The following CDK18 variants were observed in gnomAD, a reference collection of about 807,000 sequenced individuals.
CDK18 encodes cyclin dependent kinase 18, also known as cyclin-dependent kinase 18.
CDK18 carries 52 observed loss-of-function variants against 62.0 expected under a neutral mutation model. That is an observed-to-expected ratio of 0.84 (90% confidence interval 0.67 to 1.06). The LOEUF is 1.06. CDK18 is among the 50% of genes least tolerant of loss of function. The pLI is 0.00. For synonymous variants in CDK18, 237 were observed against 247.0 expected, an observed-to-expected ratio of 0.96 and a Z score of 0.38; for missense variants, 604 against 619.9, an observed-to-expected ratio of 0.97 and a Z score of 0.27.
chr1:205,520,688 C>T (rs764180437), intron 1 of CDK18, among the ~76,000 whole-genome samples: 3 of 133,786 alleles, frequency 2.2e-5, no homozygotes, highest in Non-Finnish European at 3.1e-5. Context: ...TGATAGAGCA[C>T]GACTCTATCT....
rs768034309 is a variant in CDK18, at chr1:205,529,577, C to T, written c.1221+14C>T. 2.5e-6 allele frequency: 4 copies of T among 1,613,566 alleles called. No individual in the cohort carries two copies. Among genetic ancestry groups the T allele is most frequent in the Non-Finnish European group, 3.4e-6 (4 of 1,179,940 alleles). ...AGCCTGCTCCTGGTGAGTGTCCTCC[C>T]GGCGGGGCCCAGGGAGAGGCAGCCA... On this transcript the variant is annotated intron_variant, in intron 13 of 15. Coordinates refer to ENST00000429964, the MANE Select transcript of CDK18 (RefSeq NM_212502.3).
At chr1:205,510,092 A>G (rs1025243087) in intron 1 of CDK18, among the ~76,000 whole-genome samples, 2 of 152,044 alleles carry the variant, frequency 1.3e-5, no homozygotes, top group African/African-American at 4.8e-5. Context: ...AAAAAAAAAA[A>G]AAATTTCTAC....
chr1:205,514,034 C>T (rs79983745), intron 1 of CDK18, among the ~76,000 whole-genome samples: 14,934 of 152,310 alleles, frequency 0.098, 1,224 homozygotes, highest in Admixed American at 0.27. Context: ...CACTTTGTCT[C>T]AGGCTTTGGG....
chr1:205,529,931 G>C, intron 13 of CDK18: 1 of 1,384,768 alleles, frequency 7.2e-7, no homozygotes, highest in East Asian at 2.8e-5. Context: ...CACGATGAAG[G>C]GTTGTTATCG....
Position 205,513,796 on chromosome 1 carries a change from C to T in CDK18, c.-22+9000C>T, listed in dbSNP as rs112604436. 3.4e-3 allele frequency among the ~76,000 whole-genome samples: 523 copies of T among 152,308 alleles called. 3 individuals carry two copies. Among genetic ancestry groups the T allele is most frequent in the Non-Finnish European group, 4.1e-3 (281 of 68,020 alleles). ...CATGTTGCAGGAGGAACTTCTCATT[C>T]GGGTTCTTCTCATTCCAGTCCACCC... On this transcript the variant is annotated intron_variant, in intron 1 of 15. Coordinates refer to ENST00000429964, the MANE Select transcript of CDK18 (RefSeq NM_212502.3).
At chr1:205,524,173 A>G (rs1364710197) in intron 3 of CDK18, 59 bp from the exon 4 acceptor site, 4 of 1,608,118 alleles carry the variant, frequency 2.5e-6, no homozygotes, top group Non-Finnish European at 2.6e-6. Context: ...CTGGAGCCCC[A>G]CAGCCCTAGC....
At chr1:205,526,568 C>A in intron 7 of CDK18, 107 bp downstream of exon 7, 4 of 988,974 alleles carry the variant, frequency 4.0e-6, no homozygotes, top group Admixed American at 1.7e-5. Flanking sequence ...TGAGGGCGAC[C>A]CAGGCCTTGT....
chr1:205,526,681 C>T, intron 7 of CDK18, 94 bp from the exon 8 acceptor site: 1 of 1,283,268 alleles, frequency 7.8e-7, no homozygotes, highest in Non-Finnish European at 1.1e-6. Flanking sequence ...GGCGTGGGCC[C>T]TTCCCAGGGA....
chr1:205,528,222 C>T lies in CDK18; in HGVS notation c.974+54C>T. On this transcript the variant is annotated intron_variant, in intron 10 of 15. Coordinates refer to ENST00000429964, the MANE Select transcript of CDK18 (RefSeq NM_212502.3). The surrounding 1 kb of genome is among the most constrained non-coding windows in gnomAD (Gnocchi z 4.2). Reference sequence around the variant, plus strand: ...GGGAGGACAGGCCTGGCCACACCTCCAGACTCTCCTTTGCTTCCCCAAGGG... The same window carrying T: ...GGGAGGACAGGCCTGGCCACACCTCTAGACTCTCCTTTGCTTCCCCAAGGG... 1.3e-6 allele frequency: 2 copies of T among 1,590,040 alleles called. No individual in the cohort carries two copies. The highest frequency in any genetic ancestry group is 2.3e-5 in the East Asian group (1 of 44,406).
chr1:205,525,105 C>T, intron 4 of CDK18, 34 bp from the exon 5 acceptor site: 1 of 1,556,018 alleles, frequency 6.4e-7, no homozygotes, highest in Non-Finnish European at 8.8e-7. Context: ...CTAAGGGCTT[C>T]AAGCTCACGG....
Position 205,531,548 on chromosome 1 carries a change from C to T in CDK18, c.*170C>T, listed in dbSNP as rs931030299. The T allele has an allele frequency of 3.7e-5, 24 of 648,394 alleles. No individual in the cohort carries two copies. The highest frequency in any genetic ancestry group is 3.6e-4 in the East Asian group (13 of 35,768). 40.2% of individuals were successfully genotyped at this position (648,394 alleles called of 1,614,324 possible). A position where few individuals can be genotyped will look rare whatever the true frequency, so the allele number is the denominator to read the frequency against. On this transcript the variant is annotated 3_prime_UTR_variant, in exon 16 of 16. Coordinates refer to ENST00000429964, the MANE Select transcript of CDK18 (RefSeq NM_212502.3). ...ACGGCTGTTTCTTCTTTGTGCTTCCCGTGTGCCTCCCCAGTAGCCCTCACC... is the reference window on the plus strand; with the variant it reads ...ACGGCTGTTTCTTCTTTGTGCTTCCTGTGTGCCTCCCCAGTAGCCCTCACC...
At position 205,527,335 on chromosome 1, in the gene CDK18, C is replaced by G. The variant is rs1359674782; in HGVS notation, c.730-459C>G. 4.7e-6 allele frequency: 1 copy of G among 210,652 alleles called. No homozygotes were observed. The highest frequency in any genetic ancestry group is 9.6e-6 in the Non-Finnish European group (1 of 104,456). The allele number at this position is 210,652 out of a possible 1,614,324, so 13.0% of individuals were successfully genotyped here. On this transcript the variant is annotated intron_variant, in intron 8 of 15. Transcript: ENST00000429964. This position sits in a 1 kb window ranked among gnomAD's most constrained non-coding sequence, Gnocchi z 4.1. ...CTCTACTAAAAATTGAAAAATTAGC[C>G]GGGCACAGTAGCGTGCACCCATAGT...
intron 1 of CDK18, among the ~76,000 whole-genome samples, chr1:205,505,679 C>T (rs1667272258): frequency 6.6e-6 from 1 of 152,098 alleles, no homozygotes; most frequent in African/African-American, 2.4e-5. Flanking sequence ...GCGGGGATTC[C>T]CTGAAGGTGT....
At chr1:205,512,130 A>C (rs1337670773) in intron 1 of CDK18, among the ~76,000 whole-genome samples, 3 of 152,204 alleles carry the variant, frequency 2.0e-5, no homozygotes, top group African/African-American at 7.2e-5. Flanking sequence ...GCACCCAAGC[A>C]TCTGGAGCTG....
intron 4 of CDK18, 72 bp from the exon 5 acceptor site, chr1:205,525,067 T>G: frequency 3.1e-6 from 3 of 965,656 alleles, no homozygotes; most frequent in Non-Finnish European, 4.9e-6. Flanking sequence ...AGGCTGGAGT[T>G]GGGGGAGGCG....
chr1:205,523,757 C>G, intron 3 of CDK18, 132 bp downstream of exon 3: 1 of 1,214,998 alleles, frequency 8.2e-7, no homozygotes, highest in South Asian at 1.6e-5. Context: ...AGCTCTGTGA[C>G]TTTGAGCAAG....
intron 4 of CDK18, among the ~76,000 whole-genome samples, chr1:205,524,610 C>A (rs1343801977): frequency 1.3e-5 from 2 of 152,238 alleles, no homozygotes; most frequent in Non-Finnish European, 2.9e-5. Flanking sequence ...TGGTTAAGAT[C>A]AATAGGCCAG....
rs1323339081 is a variant in CDK18 at position 205,517,430 on chromosome 1, A to G, written c.-21-5717A>G. Among the ~76,000 whole-genome samples, 2 of 152,074 alleles carry G rather than the reference A, an allele frequency of 1.3e-5. No individual in the cohort carries two copies. Among genetic ancestry groups the G allele is most frequent in the African/African-American group, 2.4e-5 (1 of 41,368 alleles). The stretch of plus-strand genomic sequence containing the variant: ...TCTGGGCAGTAGCTTGAGAGAGGAG[A>G]GCCAAGCTTTGCTGGACATCTTCCC... On this transcript the variant is annotated intron_variant, in intron 1 of 15. Coordinates refer to ENST00000429964, the MANE Select transcript of CDK18 (RefSeq NM_212502.3). This position sits in a 1 kb window ranked among gnomAD's most constrained non-coding sequence, Gnocchi z 4.1.
Position 205,528,856 on chromosome 1 carries a change from A to C in CDK18, c.975-143A>C. 1.7e-6 allele frequency: 1 copy of C among 590,558 alleles called. No homozygotes were observed. The highest frequency in any genetic ancestry group is 2.8e-5 in the East Asian group (1 of 35,670). 36.6% of individuals were successfully genotyped at this position (590,558 alleles called of 1,614,324 possible). ...GGGCTGGGCAGTTCTAGGAGCCTCC[A>C]CTGCCCTGGGCCACCCCTCCGCCGC... is the stretch of plus-strand genomic sequence containing the variant. On this transcript the variant is annotated intron_variant, in intron 10 of 15. Transcript: ENST00000429964. The surrounding 1 kb of genome is among the most constrained non-coding windows in gnomAD (Gnocchi z 4.2).
Sources: allele counts gnomAD v4.1 joint callset (sites outside exome capture counted in the v4.1 genomes callset), GRCh38; gene constraint gnomAD v4.1.1; non-coding constraint Gnocchi (gnomAD v3.1); transcripts MANE v1.5; gene names NCBI Gene and HGNC (gene_info 2026-07-23, HGNC 2026-07-21).